Variants in LRRC4C observed in about 807,000 individuals in gnomAD.
LRRC4C encodes the protein leucine-rich repeat-containing protein 4C.
Under a neutral mutation model 33.6 loss-of-function variants are expected in LRRC4C, and 5 were observed. That is an observed-to-expected ratio of 0.15 (90% CI 0.08 to 0.31). The LOEUF (loss-of-function observed/expected upper bound fraction) is 0.31, where lower values mean the gene tolerates loss of function less well. LRRC4C is among the 10% of genes least tolerant of loss of function. The pLI is 1.00. For missense variants in LRRC4C, 560 were observed against 796.7 expected, an observed-to-expected ratio of 0.70 and a Z score of 3.58; for synonymous variants, 329 against 302.0, an observed-to-expected ratio of 1.09 and a Z score of -0.93.
At chr11:40,600,750 T>C (rs982888164) in intron 3 of LRRC4C, among the ~76,000 whole-genome samples, 1 of 152,212 alleles carries the variant, frequency 6.6e-6, no homozygotes, top group African/African-American at 2.4e-5. Context: ...AGTCTAGATC[T>C]CCCATAAGTC....
chr11:41,139,104 T>A (rs915414059), intron 1 of LRRC4C, among the ~76,000 whole-genome samples: 1 of 152,178 alleles, frequency 6.6e-6, no homozygotes, highest in African/African-American at 2.4e-5. Context: ...TTAAAAGCCA[T>A]ATATAAAGTG....
intron 3 of LRRC4C, among the ~76,000 whole-genome samples, chr11:40,571,918 T>C (rs1363640660): frequency 1.3e-5 from 2 of 152,180 alleles, no homozygotes; most frequent in Non-Finnish European, 2.9e-5. Context: ...TCTGTGGTCT[T>C]TCGGTAGGTG....
At chr11:40,636,291 G>GC (rs1941744514) in intron 3 of LRRC4C, among the ~76,000 whole-genome samples, 1 of 152,160 alleles carries the variant, frequency 6.6e-6, no homozygotes, top group Admixed American at 6.5e-5. Context: ...GAAGACAACT[G>GC]CATGTCAGAA....
At chr11:41,237,738 T>C (rs1053459831) in intron 1 of LRRC4C, among the ~76,000 whole-genome samples, 12 of 152,150 alleles carry the variant, frequency 7.9e-5, no homozygotes, top group Non-Finnish European at 8.8e-5. Context: ...ACGGTGACTT[T>C]TTCCCTTTAA....
chr11:41,274,573 G>A (rs1366488019), intron 1 of LRRC4C, among the ~76,000 whole-genome samples: 4 of 152,120 alleles, frequency 2.6e-5, no homozygotes, highest in Non-Finnish European at 5.9e-5. Context: ...GGTCAAGCTA[G>A]CTAGAGGTTT....
intron 2 of LRRC4C, among the ~76,000 whole-genome samples, chr11:40,667,589 G>A (rs935941386): frequency 6.6e-6 from 1 of 152,160 alleles, no homozygotes; most frequent in Non-Finnish European, 1.5e-5. Flanking sequence ...CTCTTGTTAG[G>A]CTGGAAGAAG....
chr11:41,305,031 G>A (rs1462228354), intron 1 of LRRC4C, among the ~76,000 whole-genome samples: 1 of 36,618 alleles, frequency 2.7e-5, no homozygotes, highest in Admixed American at 2.9e-4. Context: ...CAGCCGCCCC[G>A]TCCGGGAGGG....
At chr11:40,379,032 C>T (rs547149626) in intron 3 of LRRC4C, among the ~76,000 whole-genome samples, 1 of 152,114 alleles carries the variant, frequency 6.6e-6, no homozygotes, top group East Asian at 1.9e-4. Flanking sequence ...GGAAGTATGA[C>T]TTAAAGTCAT....
chr11:40,143,892 G>A (rs946771077), intron 5 of LRRC4C, among the ~76,000 whole-genome samples: 2 of 152,126 alleles, frequency 1.3e-5, no homozygotes, highest in African/African-American at 4.8e-5. Flanking sequence ...TTTTATAGGT[G>A]AGGAAACTAA....
intron 3 of LRRC4C, among the ~76,000 whole-genome samples, chr11:40,540,131 C>G (rs1321816648): frequency 6.6e-6 from 1 of 152,150 alleles, no homozygotes; most frequent in African/African-American, 2.4e-5. Flanking sequence ...ATGGAAAATG[C>G]TTTTCAGCAC....
At chr11:40,701,246 T>C (rs1263683984) in intron 2 of LRRC4C, among the ~76,000 whole-genome samples, 2 of 152,160 alleles carry the variant, frequency 1.3e-5, no homozygotes, top group Non-Finnish European at 2.9e-5. Flanking sequence ...TCATGTTTCC[T>C]TTCCGAACCA....
chr11:41,242,087 A>G (rs900574912), intron 1 of LRRC4C, among the ~76,000 whole-genome samples: 2 of 152,008 alleles, frequency 1.3e-5, no homozygotes, highest in Non-Finnish European at 2.9e-5. Context: ...TTCTAATTTA[A>G]CTCTCTAACA....
At chr11:41,207,206 G>C (rs1946636588) in intron 1 of LRRC4C, among the ~76,000 whole-genome samples, 1 of 152,012 alleles carries the variant, frequency 6.6e-6, no homozygotes. Context: ...CAATCACATG[G>C]GGAGATTTTA....
intron 3 of LRRC4C, among the ~76,000 whole-genome samples, chr11:40,447,661 ACTTCCCAT>A: frequency 6.6e-6 from 1 of 152,190 alleles, no homozygotes; most frequent in East Asian, 1.9e-4. Context: ...CAGAGCTGGA[ACTTCCCAT>A]CTAAGCAAAC....
chr11:40,235,083 T>TA (rs1300352509), intron 5 of LRRC4C, among the ~76,000 whole-genome samples: 2 of 152,180 alleles, frequency 1.3e-5, no homozygotes, highest in African/African-American at 4.8e-5. Flanking sequence ...TCATGCAAGT[T>TA]AAAAAACAGA....
intron 2 of LRRC4C, among the ~76,000 whole-genome samples, chr11:40,710,505 T>C (rs1270946570): frequency 6.6e-6 from 1 of 152,212 alleles, no homozygotes; most frequent in Non-Finnish European, 1.5e-5. Flanking sequence ...CCTGTTTGCC[T>C]GGGTATCACC....
At chr11:40,844,483 G>A (rs1358259627) in intron 2 of LRRC4C, among the ~76,000 whole-genome samples, 1 of 152,106 alleles carries the variant, frequency 6.6e-6, no homozygotes, top group Admixed American at 6.6e-5. Context: ...TTTGGACATT[G>A]AAAGATACAG....
intron 2 of LRRC4C, among the ~76,000 whole-genome samples, chr11:40,896,097 C>T (rs930822478): frequency 6.6e-6 from 1 of 152,084 alleles, no homozygotes; most frequent in African/African-American, 2.4e-5. Flanking sequence ...ACCTTGGAAC[C>T]CTTTATGTTT....
intron 4 of LRRC4C, among the ~76,000 whole-genome samples, chr11:40,306,025 G>A (rs1364046087): frequency 6.6e-6 from 1 of 152,142 alleles, no homozygotes; most frequent in Non-Finnish European, 1.5e-5. Context: ...TGTGACCAAC[G>A]AAACAGAACT....
Sources: gnomAD v4.1 joint callset for allele counts (sites outside exome capture counted in the v4.1 genomes callset) on GRCh38, gnomAD v4.1.1 for gene constraint, MANE v1.5 for transcripts, NCBI Gene and HGNC (gene_info 2026-07-23, HGNC 2026-07-21) for gene names.